Variants in SPTBN1 observed in about 807,000 individuals in gnomAD.
The protein encoded by SPTBN1 is spectrin beta chain, non-erythrocytic 1.
Under a neutral mutation model 266.4 loss-of-function variants are expected in SPTBN1, and 32 were observed. The observed-to-expected ratio is 0.12, with a 90% CI of 0.09 to 0.16. The LOEUF (loss-of-function observed/expected upper bound fraction) is 0.16, where lower values mean the gene tolerates loss of function less well. SPTBN1 is among the 10% of genes least tolerant of loss of function. SPTBN1 has a pLI of 1.00. For synonymous variants in SPTBN1, 1,336 were observed against 1,162.2 expected, an observed-to-expected ratio of 1.15 and a Z score of -3.04; for missense variants, 2,296 against 3,067.1, an observed-to-expected ratio of 0.75 and a Z score of 5.94.
At chr2:54,502,233 C>T (rs1669309325) in intron 1 of SPTBN1, among the ~76,000 whole-genome samples, 1 of 152,054 alleles carries the variant, frequency 6.6e-6, no homozygotes, top group Admixed American at 6.5e-5. Flanking sequence ...AGGCCTCACC[C>T]TTGCTCTCAT....
intron 2 of SPTBN1, among the ~76,000 whole-genome samples, chr2:54,595,444 C>G (rs73934497): frequency 0.022 from 3,360 of 152,312 alleles, 131 homozygotes; most frequent in African/African-American, 0.077. Flanking sequence ...GCGTCAGCTT[C>G]TTGGGGAGGA....
intron 2 of SPTBN1, among the ~76,000 whole-genome samples, chr2:54,564,541 G>A (rs1480486527): frequency 2.0e-5 from 3 of 152,168 alleles, no homozygotes; most frequent in African/African-American, 4.8e-5. Context: ...GCTGGGATTT[G>A]ACTCCAGTCC....
At chr2:54,494,230 C>G (rs992069866) in intron 1 of SPTBN1, among the ~76,000 whole-genome samples, 2 of 152,180 alleles carry the variant, frequency 1.3e-5, no homozygotes, top group Non-Finnish European at 2.9e-5. Flanking sequence ...TAAAGTGACT[C>G]ATCATCCCTT....
chr2:54,489,967 A>G (rs574071429), intron 1 of SPTBN1, among the ~76,000 whole-genome samples: 2 of 152,222 alleles, frequency 1.3e-5, no homozygotes, highest in Non-Finnish European at 2.9e-5. Flanking sequence ...GTGTTTCTAT[A>G]AGAACATGAG....
intron 2 of SPTBN1, among the ~76,000 whole-genome samples, chr2:54,568,486 T>C (rs999090338): frequency 6.6e-6 from 1 of 152,066 alleles, no homozygotes; most frequent in African/African-American, 2.4e-5. Context: ...ATAAACTGGA[T>C]TATTTTAACT....
chr2:54,664,967 GTCT>G lies in SPTBN1; in HGVS notation c.6659+281_6659+283del. 3 of 400,950 alleles carry G rather than the reference GTCT, an allele frequency of 7.5e-6. No homozygotes were observed. In the Admixed American group the frequency reaches 1.2e-4, roughly 16 times the overall value. 24.8% of individuals were successfully genotyped at this position (400,950 alleles called of 1,614,324 possible). On this transcript the variant is annotated intron_variant, in intron 33 of 35. Coordinates refer to ENST00000356805, the MANE Select transcript of SPTBN1 (RefSeq NM_003128.3). This position sits in a 1 kb window ranked among gnomAD's most constrained non-coding sequence, Gnocchi z 5.6. ...GAATTTGCTAGATTGAGACTGAAGA[GTCT>G]TCTTTACTTTAAGTGATTGATTTCA...
At position 54,628,370 on chromosome 2, in the gene SPTBN1, A is replaced by G; in HGVS notation, c.1798+120A>G. On this transcript the variant is annotated intron_variant, in intron 13 of 35. Coordinates refer to ENST00000356805, the MANE Select transcript of SPTBN1 (RefSeq NM_003128.3). The surrounding 1 kb of genome is among the most constrained non-coding windows in gnomAD (Gnocchi z 4.3). Reference sequence around the variant, plus strand: ...ACATTCCTGGTGGGTTTGTCATGGGAGCATGAAATACGGTGGAGTGGCCTT... The same window carrying G: ...ACATTCCTGGTGGGTTTGTCATGGGGGCATGAAATACGGTGGAGTGGCCTT... 7.9e-7 allele frequency: 1 copy of G among 1,270,548 alleles called. No individual in the cohort carries two copies. Among genetic ancestry groups the G allele is most frequent in the Admixed American group, 3.2e-5 (1 of 31,552 alleles). The allele number at this position is 1,270,548 out of a possible 1,614,324, so 78.7% of individuals were successfully genotyped here.
intron 1 of SPTBN1, among the ~76,000 whole-genome samples, chr2:54,479,587 C>T (rs983852878): frequency 6.6e-6 from 1 of 152,134 alleles, no homozygotes; most frequent in African/African-American, 2.4e-5. Flanking sequence ...AGGTCTGAGG[C>T]AAACCAGATA....
chr2:54,659,937 G>A lies in SPTBN1; in HGVS notation c.6358G>A (p.Asp2120Asn), dbSNP rs1237443421. ...TCCTTTTCCCCTCTTCCCTAACAGG[G>A]ATACTTCAAAAGGAGAACAAGTTTC... Reference protein sequence around the residue: ...SEEAESQQQWDTSKGEQVSQN... With the variant: ...SEEAESQQQWNTSKGEQVSQN... The change falls in exon 32 of 36, where the codon GAT (aspartate) becomes AAT (asparagine). Residue 2120 changes from aspartate to asparagine, a missense_variant and splice_region_variant. By Grantham distance (23) the Asp-to-Asn change is conservative. This residue lies in a region of SPTBN1 where 347 missense variants were observed against 368.5 expected (regional missense o/e 0.94). Transcript: ENST00000356805. 1 of 1,613,654 alleles carries A rather than the reference G, an allele frequency of 6.2e-7. No individual in the cohort carries two copies. Among genetic ancestry groups the A allele is most frequent in the African/African-American group, 1.3e-5 (1 of 74,822 alleles).
intron 2 of SPTBN1, among the ~76,000 whole-genome samples, chr2:54,561,908 GTGA>G (rs1573417909): frequency 1.3e-5 from 2 of 150,490 alleles, no homozygotes; most frequent in African/African-American, 4.9e-5. Flanking sequence ...AGATACAAGA[GTGA>G]TGGCTTTATC....
intron 18 of SPTBN1, among the ~76,000 whole-genome samples, chr2:54,638,276 G>A (rs1419834912): frequency 1.3e-5 from 2 of 152,150 alleles, no homozygotes; most frequent in Non-Finnish European, 1.5e-5. Context: ...CAACCTAGAA[G>A]TATTTAGTGT....
intron 2 of SPTBN1, among the ~76,000 whole-genome samples, chr2:54,591,748 T>A (rs768021774): frequency 2.0e-5 from 3 of 152,260 alleles, no homozygotes; most frequent in Non-Finnish European, 4.4e-5. Context: ...CTGAGGGTAT[T>A]GCAGAAAGAT....
chr2:54,635,475 T>C (rs1679057043), intron 17 of SPTBN1, among the ~76,000 whole-genome samples: 1 of 152,248 alleles, frequency 6.6e-6, no homozygotes, highest in Non-Finnish European at 1.5e-5. Context: ...CCCATCTTGA[T>C]GGTCCCACTA....
At chr2:54,508,730 T>G in intron 1 of SPTBN1, among the ~76,000 whole-genome samples, 1 of 152,120 alleles carries the variant, frequency 6.6e-6, no homozygotes, top group South Asian at 2.1e-4. Flanking sequence ...CCCTGAGGGA[T>G]AGAAGTTGGA....
intron 1 of SPTBN1, among the ~76,000 whole-genome samples, chr2:54,514,590 C>T (rs936298928): frequency 6.6e-6 from 1 of 152,212 alleles, no homozygotes; most frequent in Non-Finnish European, 1.5e-5. Flanking sequence ...CCCTAAAGTA[C>T]ACACGTTAGT....
chr2:54,483,425 G>A (rs1031400303), intron 1 of SPTBN1, among the ~76,000 whole-genome samples: 3 of 152,174 alleles, frequency 2.0e-5, no homozygotes, highest in African/African-American at 4.8e-5. Context: ...CAAAGGATGC[G>A]GATTTTCTAC....
intron 17 of SPTBN1, 30 bp downstream of exon 17, chr2:54,632,798 C>G: frequency 6.2e-7 from 1 of 1,609,364 alleles, no homozygotes; most frequent in South Asian, 1.1e-5. Context: ...TTAAGGGAGC[C>G]TTGCACCTTG....
Position 54,631,350 on chromosome 2 carries a change from C to G in SPTBN1, c.3303C>G (p.Leu1101=). The change falls in exon 16 of 36, where the codon CTC becomes CTG. Residue 1101 remains leucine, a synonymous_variant. Coordinates refer to ENST00000356805, the MANE Select transcript of SPTBN1 (RefSeq NM_003128.3). Reference sequence around the variant, plus strand: ...CCCTGACCGAGGCTGAGAAGCTGCTCACGCAGCACGAGAACATCAAGAACG... The same window carrying G: ...CCCTGACCGAGGCTGAGAAGCTGCTGACGCAGCACGAGAACATCAAGAACG... ...PNTLTEAEKL[L]TQHENIKNEI... is the part of the protein sequence containing the mutation. 1 of 1,614,250 alleles carries G rather than the reference C, an allele frequency of 6.2e-7. No homozygotes were observed. The highest frequency in any genetic ancestry group is 8.5e-7 in the Non-Finnish European group (1 of 1,180,054).
At chr2:54,526,624 A>G (rs1670832037) in intron 2 of SPTBN1, 58 bp downstream of exon 2, 1 of 1,567,314 alleles carries the variant, frequency 6.4e-7, no homozygotes, top group African/African-American at 1.4e-5. Flanking sequence ...GATGCCCCTT[A>G]AAATCATCCA....
Sources: allele counts gnomAD v4.1 joint callset (sites outside exome capture counted in the v4.1 genomes callset), GRCh38; gene constraint gnomAD v4.1.1; regional missense constraint gnomAD v4.1.1; non-coding constraint Gnocchi (gnomAD v3.1); transcripts MANE v1.5; gene names NCBI Gene and HGNC (gene_info 2026-07-23, HGNC 2026-07-21).